Variants in LRP1B observed in about 807,000 individuals in gnomAD.
LRP1B encodes the protein LDL receptor related protein 1B, also known as low-density lipoprotein receptor-related protein 1B.
LRP1B carries 217 observed loss-of-function variants against 556.6 expected under a neutral mutation model. The ratio of observed to expected loss-of-function variants is 0.39; its 90% CI spans 0.35 to 0.44. The LOEUF (loss-of-function observed/expected upper bound fraction) is 0.44, where lower values mean the gene tolerates loss of function less well. LRP1B is among the 20% of genes least tolerant of loss of function. The probability of loss-of-function intolerance (pLI) is 1.00; values close to 1 mark genes in which losing one functional copy is unlikely to be tolerated. For missense variants in LRP1B, 5,053 were observed against 5,620.8 expected, an observed-to-expected ratio of 0.90 and a Z score of 3.23; for synonymous variants, 2,047 against 1,865.8, an observed-to-expected ratio of 1.10 and a Z score of -2.50.
intron 60 of LRP1B, among the ~76,000 whole-genome samples, chr2:140,472,480 A>G (rs1352489574): frequency 6.6e-6 from 1 of 152,030 alleles, no homozygotes; most frequent in African/African-American, 2.4e-5. Context: ...TAAGCTAGTA[A>G]ATTGACCGAT....
chr2:141,285,244 T>C (rs1014598714), intron 3 of LRP1B, among the ~76,000 whole-genome samples: 11 of 147,496 alleles, frequency 7.5e-5, no homozygotes, highest in Non-Finnish European at 1.5e-4. Flanking sequence ...AAGCGCCACA[T>C]GCCCGGCTAA....
intron 3 of LRP1B, among the ~76,000 whole-genome samples, chr2:141,339,132 C>A (rs1278609214): frequency 1.3e-5 from 2 of 152,028 alleles, no homozygotes; most frequent in Non-Finnish European, 1.5e-5. Context: ...CAGGCTAAGA[C>A]TTAACATGCT....
At chr2:141,333,663 CTA>C (rs554902165) in intron 3 of LRP1B, among the ~76,000 whole-genome samples, 71 of 152,224 alleles carry the variant, frequency 4.7e-4, no homozygotes, top group African/African-American at 1.7e-3. Context: ...TAAAGTGAAA[CTA>C]AAATAGTTAG....
At chr2:140,402,795 C>G (rs72896291) in intron 66 of LRP1B, among the ~76,000 whole-genome samples, 1 of 152,164 alleles carries the variant, frequency 6.6e-6, no homozygotes, top group African/African-American at 2.4e-5. Context: ...AGTTTCTACC[C>G]AGGGATACCT....
intron 7 of LRP1B, among the ~76,000 whole-genome samples, chr2:141,139,180 C>T (rs7573235): frequency 0.99 from 150,813 of 151,942 alleles, 74,853 homozygotes; most frequent in Middle Eastern, 1. Context: ...TTATACCATA[C>T]ACAACAATTA....
Position 140,381,126 on chromosome 2 carries a change from T to G in LRP1B, c.10532-2840A>C, listed in dbSNP as rs145370838. Among the ~76,000 whole-genome samples, 4 of 152,232 alleles carry G rather than the reference T, an allele frequency of 2.6e-5. No homozygotes were observed. The East Asian group carries it at 7.7e-4, about 29-fold the overall frequency. On this transcript the variant is annotated intron_variant, in intron 67 of 90. Coordinates refer to ENST00000389484, the MANE Select transcript of LRP1B (RefSeq NM_018557.3). ...TACCTCAGAATCTTTTGCCACTAGA[T>G]AGCTCAAAAAGAAACTCTCTCTTCA...
At position 141,992,707 on chromosome 2, in the gene LRP1B, G is replaced by A. The variant is rs6736548; in HGVS notation, c.82+137941C>T. On this transcript the variant is annotated intron_variant, in intron 1 of 90. Coordinates refer to ENST00000389484, the MANE Select transcript of LRP1B (RefSeq NM_018557.3). ...TTGATTGTGGATGGTGTCCTAGTTG[G>A]GTTGAAGCTATTAATTCACTCTGTG... Among the ~76,000 whole-genome samples the A allele has an allele frequency of 4.4e-3, 663 of 152,180 alleles. 4 individuals are homozygous for A. The highest frequency in any genetic ancestry group is 0.014 in the African/African-American group (582 of 41,542).
intron 6 of LRP1B, among the ~76,000 whole-genome samples, chr2:141,205,677 A>C (rs981146357): frequency 1.8e-5 from 1 of 54,808 alleles, no homozygotes; most frequent in Non-Finnish European, 5.6e-5. Context: ...TCTTCTTGCA[A>C]ATCAAATACT....
At chr2:140,740,176 A>G (rs755834632) in intron 35 of LRP1B, among the ~76,000 whole-genome samples, 1 of 152,180 alleles carries the variant, frequency 6.6e-6, no homozygotes, top group Non-Finnish European at 1.5e-5. Context: ...CTGGGTATCT[A>G]TCTAGAGGAA....
At chr2:141,127,807 T>C (rs1701253115) in intron 7 of LRP1B, among the ~76,000 whole-genome samples, 1 of 152,176 alleles carries the variant, frequency 6.6e-6, no homozygotes, top group Admixed American at 6.6e-5. Flanking sequence ...TCATTTTACT[T>C]TTATGATCAC....
At chr2:141,799,020 G>T (rs140085830) in intron 2 of LRP1B, among the ~76,000 whole-genome samples, 1 of 152,150 alleles carries the variant, frequency 6.6e-6, no homozygotes, top group Non-Finnish European at 1.5e-5. Context: ...AAAGGCCAAA[G>T]AATGAAACCA....
chr2:140,306,538 C>T (rs1487061199), intron 83 of LRP1B, among the ~76,000 whole-genome samples: 3 of 151,334 alleles, frequency 2.0e-5, no homozygotes, highest in African/African-American at 7.3e-5. Context: ...TTTGATTCTT[C>T]TCTCTTTCTA....
chr2:141,436,144 G>T (rs1468075975), intron 3 of LRP1B, among the ~76,000 whole-genome samples: 1 of 152,118 alleles, frequency 6.6e-6, no homozygotes, highest in Non-Finnish European at 1.5e-5. Context: ...GGCAAAAATT[G>T]TATACATTCA....
intron 2 of LRP1B, among the ~76,000 whole-genome samples, chr2:141,604,144 A>C (rs1437072151): frequency 6.6e-6 from 1 of 152,218 alleles, no homozygotes; most frequent in Non-Finnish European, 1.5e-5. Flanking sequence ...GGTCCATGGA[A>C]ATGTCATTTT....
intron 84 of LRP1B, among the ~76,000 whole-genome samples, chr2:140,277,955 C>A (rs1340868698): frequency 2.6e-5 from 4 of 151,666 alleles, no homozygotes; most frequent in Admixed American, 6.6e-5. Flanking sequence ...TTTTAAAAAG[C>A]CCAAATTTTA....
intron 3 of LRP1B, among the ~76,000 whole-genome samples, chr2:141,456,021 GA>G (rs954860059): frequency 1.1e-4 from 17 of 152,284 alleles, no homozygotes; most frequent in African/African-American, 3.8e-4. Flanking sequence ...CAAACAGCAG[GA>G]AGCAGTGACT....
intron 67 of LRP1B, among the ~76,000 whole-genome samples, chr2:140,382,941 C>A (rs1683586855): frequency 6.6e-6 from 1 of 152,108 alleles, no homozygotes; most frequent in Non-Finnish European, 1.5e-5. Flanking sequence ...TTACAATTCC[C>A]TACAGTATTC....
chr2:140,475,957 C>T (rs1243815225), intron 59 of LRP1B, among the ~76,000 whole-genome samples: 1 of 151,928 alleles, frequency 6.6e-6, no homozygotes, highest in African/African-American at 2.4e-5. Context: ...TCCATTATCA[C>T]AGAAAGTTCT....
At chr2:141,149,821 G>A (rs929196524) in intron 7 of LRP1B, among the ~76,000 whole-genome samples, 1 of 152,144 alleles carries the variant, frequency 6.6e-6, no homozygotes, top group Non-Finnish European at 1.5e-5. Flanking sequence ...AAAGAGTTGG[G>A]ATTTAAAAGC....
Sources: gnomAD v4.1 joint callset for allele counts (sites outside exome capture counted in the v4.1 genomes callset) on GRCh38, gnomAD v4.1.1 for gene constraint, MANE v1.5 for transcripts, NCBI Gene and HGNC (gene_info 2026-07-23, HGNC 2026-07-21) for gene names.